The following UGT1A5 variants were observed in gnomAD, a reference collection of about 807,000 sequenced individuals.
UGT1A5 encodes the protein UDP glucuronosyltransferase family 1 member A5.
In UGT1A5, 29 loss-of-function variants were observed where a neutral mutation model predicts 40.3. The observed-to-expected ratio is 0.72, with a 90% CI of 0.54 to 0.98. UGT1A5 has a LOEUF of 0.98. UGT1A5 is among the 50% of genes least tolerant of loss of function. UGT1A5 has a pLI of 0.00. For synonymous variants in UGT1A5, 257 were observed against 262.5 expected (o/e 0.98, Z 0.20); for missense variants, 678 against 677.9 (o/e 1.00, Z 0.00).
At chr2:233,754,118 A>C (rs562649705) in intron 1 of UGT1A5, among the ~76,000 whole-genome samples, 4 of 152,236 alleles carry the variant, frequency 2.6e-5, no homozygotes, top group Non-Finnish European at 5.9e-5. Flanking sequence ...CATCACGAGC[A>C]TTTATGTGCA....
chr2:233,759,804 G>A (rs35746348), intron 1 of UGT1A5, among the ~76,000 whole-genome samples: 153 of 152,314 alleles, frequency 1.0e-3, no homozygotes, highest in African/African-American at 3.5e-3. Context: ...ATACAAGTGA[G>A]CAGGCAGTAC....
intron 1 of UGT1A5, chr2:233,722,133 T>G (rs1336404223): frequency 5.8e-6 from 1 of 172,564 alleles, no homozygotes; most frequent in Non-Finnish European, 1.2e-5. Flanking sequence ...TAGTAGAGTT[T>G]AAGACTCCTG....
chr2:233,769,855 C>T lies in UGT1A5; in HGVS notation c.1307+1416C>T. The T allele has an allele frequency of 2.7e-6, 1 of 372,078 alleles. No individual in the cohort carries two copies. The highest frequency in any genetic ancestry group is 4.4e-6 in the Non-Finnish European group (1 of 226,694). The allele number at this position is 372,078 out of a possible 1,614,324, so 23.0% of individuals were successfully genotyped here. On this transcript the variant is annotated intron_variant, in intron 4 of 4. Coordinates refer to ENST00000373414, the MANE Select transcript of UGT1A5 (RefSeq NM_019078.2). The surrounding 1 kb of genome is among the most constrained non-coding windows in gnomAD (Gnocchi z 4.4). ...CCTGGGCAACAGAGTGAGACCCTGT[C>T]TCAAAAAAAAAAAAAAAAATGAAAA...
chr2:233,743,051 C>T, intron 1 of UGT1A5: 1 of 319,368 alleles, frequency 3.1e-6, no homozygotes, highest in Non-Finnish European at 6.1e-6. Context: ...CGTGTAGTCC[C>T]AACGATAAGA....
intron 1 of UGT1A5, among the ~76,000 whole-genome samples, chr2:233,762,246 C>T (rs569266202): frequency 2.4e-4 from 36 of 152,288 alleles, no homozygotes; most frequent in African/African-American, 8.2e-4. Flanking sequence ...ACAGAATAGG[C>T]ACCCACCGAA....
chr2:233,736,028 C>T lies in UGT1A5; in HGVS notation c.867+22170C>T, dbSNP rs2078720719. 2.0e-5 allele frequency among the ~76,000 whole-genome samples: 3 copies of T among 152,098 alleles called. No homozygotes were observed. The South Asian group carries it at 6.2e-4, about 32-fold the overall frequency. ...TCGAGGAGTATCTTTGTGGTGTTCT[C>T]TGTATTTCCTGAATTTGAATGTTGG... is the stretch of plus-strand genomic sequence containing the variant. On this transcript the variant is annotated intron_variant, in intron 1 of 4. Transcript: ENST00000373414.
chr2:233,750,583 G>C (rs1175695662), intron 1 of UGT1A5: 1 of 151,928 alleles, frequency 6.6e-6, no homozygotes, highest in Non-Finnish European at 1.5e-5. Context: ...TCACAGGCCT[G>C]GAGGCCTAGG....
Position 233,772,472 on chromosome 2 carries a change from C to A in UGT1A5, c.1518C>A (p.Ile506=). ...CCGTCGTGCTGACAGTGGCCTTCAT[C>A]ACCTTTAAATGTTGTGCTTATGGCT... The part of the protein sequence containing the change: ...LLAVVLTVAF[I]TFKCCAYGYR... Residue 506 remains isoleucine (I), a synonymous_variant, in exon 5 of 5, where the codon ATC becomes ATA. Transcript: ENST00000373414. The A allele has an allele frequency of 6.2e-7, 1 of 1,614,132 alleles. No homozygotes were observed. Among genetic ancestry groups the A allele is most frequent in the Non-Finnish European group, 8.5e-7 (1 of 1,180,020 alleles).
intron 1 of UGT1A5, among the ~76,000 whole-genome samples, chr2:233,740,004 G>C (rs1691279372): frequency 6.6e-6 from 1 of 151,810 alleles, no homozygotes; most frequent in African/African-American, 2.4e-5. Context: ...GTCATACTAA[G>C]TGAGTTCTCA....
chr2:233,751,271 T>G (rs1694686966), intron 1 of UGT1A5, among the ~76,000 whole-genome samples: 2 of 151,964 alleles, frequency 1.3e-5, no homozygotes, highest in African/African-American at 4.9e-5. Flanking sequence ...CCCCTTTTTT[T>G]GGCCAGTTTC....
chr2:233,772,211 T>C, intron 4 of UGT1A5, 51 bp from the exon 5 acceptor site: 2 of 1,610,790 alleles, frequency 1.2e-6, no homozygotes, highest in Non-Finnish European at 1.7e-6. Flanking sequence ...AAAGAGAGGA[T>C]TGTTCATACC....
intron 1 of UGT1A5, chr2:233,738,996 C>T (rs1041933241): frequency 6.6e-6 from 1 of 152,238 alleles, no homozygotes; most frequent in African/African-American, 2.4e-5. Context: ...GACTTGGTGC[C>T]CTGTGTCCCA....
At chr2:233,731,500 G>A (rs2078170361) in intron 1 of UGT1A5, among the ~76,000 whole-genome samples, 1 of 152,036 alleles carries the variant, frequency 6.6e-6, no homozygotes. Context: ...TGTTCTTGCT[G>A]TTCAGTTCCC....
chr2:233,765,693 A>AAAT (rs1266056248), intron 1 of UGT1A5, among the ~76,000 whole-genome samples: 1 of 147,310 alleles, frequency 6.8e-6, no homozygotes, highest in African/African-American at 2.6e-5. Context: ...AACTTCAAGT[A>AAAT]AATAATAATA....
chr2:233,750,292 G>T (rs1321063731), intron 1 of UGT1A5, among the ~76,000 whole-genome samples: 1 of 151,952 alleles, frequency 6.6e-6, no homozygotes, highest in Non-Finnish European at 1.5e-5. Context: ...GTGGCATTTT[G>T]CCCCTGCCCT....
intron 1 of UGT1A5, chr2:233,718,773 C>A: frequency 6.2e-7 from 1 of 1,612,848 alleles, no homozygotes. Flanking sequence ...ACAAATGTAG[C>A]AGGCACAGCG....
chr2:233,759,026 A>G (rs888147104), intron 1 of UGT1A5, among the ~76,000 whole-genome samples: 4 of 152,116 alleles, frequency 2.6e-5, no homozygotes, highest in Admixed American at 2.0e-4. Flanking sequence ...TTGCTTATCT[A>G]TTTGGTTTCC....
At chr2:233,729,952 A>G (rs1448205377) in intron 1 of UGT1A5, 1 of 1,614,072 alleles carries the variant, frequency 6.2e-7, no homozygotes, top group African/African-American at 1.3e-5. Flanking sequence ...CATGGTCTTC[A>G]TTGGGGGCAT....
At position 233,743,506 on chromosome 2, in the gene UGT1A5, G is replaced by A. The variant is rs185061073; in HGVS notation, c.868-23528G>A. ...ACTGAAGGCAGAGAAAAGGGGTGCA[G>A]ACGCTCTGCTTCTGCTTCCCCAGCA... On this transcript the variant is annotated intron_variant, in intron 1 of 4. Transcript: ENST00000373414. 5.9e-6 allele frequency: 8 copies of A among 1,367,240 alleles called. No individual in the cohort carries two copies. The Admixed American group carries it at 1.1e-4, about 20-fold the overall frequency. The allele number at this position is 1,367,240 out of a possible 1,614,324, so 84.7% of individuals were successfully genotyped here. A position where few individuals can be genotyped will look rare whatever the true frequency, so the allele number is the denominator to read the frequency against.
Sources: allele counts gnomAD v4.1 joint callset (sites outside exome capture counted in the v4.1 genomes callset), GRCh38; gene constraint gnomAD v4.1.1; non-coding constraint Gnocchi (gnomAD v3.1); transcripts MANE v1.5; gene names NCBI Gene and HGNC (gene_info 2026-07-23, HGNC 2026-07-21).